DMXL2: variants seen among roughly 807,000 people sequenced by gnomAD.
DMXL2 encodes the protein dmX-like protein 2.
DMXL2 carries 103 observed loss-of-function variants against 331.1 expected under a neutral mutation model. That is an observed-to-expected ratio of 0.31 (90% CI 0.27 to 0.37). The LOEUF (loss-of-function observed/expected upper bound fraction) is 0.37. DMXL2 is among the 10% of genes least tolerant of loss of function. The pLI, the probability that DMXL2 is intolerant of heterozygous loss-of-function variation, is 1.00. For missense variants in DMXL2, 3,171 were observed against 3,642.9 expected, an observed-to-expected ratio of 0.87 and a Z score of 3.33; for synonymous variants, 1,281 against 1,252.1, an observed-to-expected ratio of 1.02 and a Z score of -0.49.
chr15:51,520,456 T>C (rs1226558530), intron 13 of DMXL2, among the ~76,000 whole-genome samples: 1 of 152,180 alleles, frequency 6.6e-6, no homozygotes. Flanking sequence ...AAATAACTGA[T>C]ATTTTGGTGT....
chr15:51,548,511 G>C (rs2049017268), intron 6 of DMXL2, among the ~76,000 whole-genome samples: 1 of 152,000 alleles, frequency 6.6e-6, no homozygotes, highest in African/African-American at 2.4e-5. Context: ...CTTCAGCATA[G>C]CATCATTTTC....
chr15:51,508,484 T>G (rs183583330), intron 15 of DMXL2, among the ~76,000 whole-genome samples: 2 of 152,336 alleles, frequency 1.3e-5, no homozygotes, highest in Admixed American at 6.5e-5. Context: ...CAAATGCTAC[T>G]TACTAGCCTA....
chr15:51,574,633 T>A (rs1437332309), intron 2 of DMXL2, among the ~76,000 whole-genome samples: 1 of 152,102 alleles, frequency 6.6e-6, no homozygotes, highest in Non-Finnish European at 1.5e-5. Flanking sequence ...AACAGACTAA[T>A]ACAAGGTCAC....
chr15:51,592,136 C>A (rs912218597), intron 1 of DMXL2, among the ~76,000 whole-genome samples: 2 of 146,000 alleles, frequency 1.4e-5, no homozygotes, highest in Non-Finnish European at 3.0e-5. Flanking sequence ...GGAGAACGTT[C>A]GAACCCATGG....
At chr15:51,494,913 G>A in intron 19 of DMXL2, 111 bp downstream of exon 19, 1 of 611,626 alleles carries the variant, frequency 1.6e-6, no homozygotes. Flanking sequence ...TAAGCCAAGT[G>A]ATAGGTGTGC....
At chr15:51,471,521 C>T in intron 28 of DMXL2, 120 bp from the exon 29 acceptor site, 2 of 914,054 alleles carry the variant, frequency 2.2e-6, no homozygotes, top group Non-Finnish European at 3.2e-6. Flanking sequence ...ATTACTTATT[C>T]CTGTGCTTCT....
intron 1 of DMXL2, among the ~76,000 whole-genome samples, chr15:51,611,612 A>T (rs2053974695): frequency 6.6e-6 from 1 of 152,140 alleles, no homozygotes; most frequent in African/African-American, 2.4e-5. Flanking sequence ...GAGAAATGGG[A>T]GCTTTGTGTT....
intron 19 of DMXL2, among the ~76,000 whole-genome samples, chr15:51,492,868 T>G (rs182030266): frequency 6.6e-6 from 1 of 152,338 alleles, no homozygotes; most frequent in Admixed American, 6.5e-5. Flanking sequence ...TTACACATAA[T>G]TTTTTCCATT....
In DMXL2 at chr15:51,563,382, T is replaced by C; in HGVS notation, c.566A>G (p.Lys189Arg). 1 of 1,602,534 alleles carries C rather than the reference T, an allele frequency of 6.2e-7. No homozygotes were observed. Among genetic ancestry groups the C allele is most frequent in the East Asian group, 2.2e-5 (1 of 44,522 alleles). The change falls in exon 6 of 44, where the codon AAG (lysine) becomes AGG (arginine). Residue 189 changes from lysine to arginine, a missense_variant and splice_region_variant. Around this residue, in one of 7 missense-constraint regions of DMXL2, gnomAD observed 1,674 missense variants for 1,780.2 expected, o/e 0.94. Transcript: ENST00000560891. Reference sequence around the variant, plus strand: ...GTATGTTTTTGTTTGATCCTTTACCTTTCCAGCAGTAGCAAAATATTCACC... The same window carrying C: ...GTATGTTTTTGTTTGATCCTTTACCCTTCCAGCAGTAGCAAAATATTCACC... ...PDGEYFATAG[K>R]DDCLLKVWYP...
intron 17 of DMXL2, among the ~76,000 whole-genome samples, chr15:51,500,648 C>G (rs1224526793): frequency 6.6e-6 from 1 of 152,192 alleles, no homozygotes; most frequent in African/African-American, 2.4e-5. Flanking sequence ...CTGAGCTTTA[C>G]AATTTGCCTT....
intron 42 of DMXL2, among the ~76,000 whole-genome samples, chr15:51,451,399 C>T (rs1252952417): frequency 1.3e-5 from 2 of 152,222 alleles, no homozygotes; most frequent in African/African-American, 2.4e-5. Context: ...ACTATCCATA[C>T]CATATTTTCT....
chr15:51,609,050 G>C (rs2053781851), intron 1 of DMXL2, among the ~76,000 whole-genome samples: 1 of 152,108 alleles, frequency 6.6e-6, no homozygotes, highest in African/African-American at 2.4e-5. Flanking sequence ...TTCTTGAATT[G>C]TCTACAAAGA....
chr15:51,477,525 T>G (rs2041681131), intron 26 of DMXL2, among the ~76,000 whole-genome samples: 1 of 152,024 alleles, frequency 6.6e-6, no homozygotes, highest in Non-Finnish European at 1.5e-5. Context: ...CAGGCCATTT[T>G]GATAGATAAT....
chr15:51,610,767 C>CAAAAA (rs34526933), intron 1 of DMXL2, among the ~76,000 whole-genome samples: 1 of 132,454 alleles, frequency 7.5e-6, no homozygotes. Flanking sequence ...GACTCCATCT[C>CAAAAA]AAAAAAAAAA....
chr15:51,622,668 T>C lies in DMXL2; in HGVS notation c.-123A>G. 6.9e-7 allele frequency: 1 copy of C among 1,441,796 alleles called. No individual in the cohort carries two copies. The highest frequency in any genetic ancestry group is 1.4e-5 in the South Asian group (1 of 69,582). 89.3% of individuals were successfully genotyped at this position (1,441,796 alleles called of 1,614,324 possible). A position where few individuals can be genotyped will look rare whatever the true frequency, so the allele number is the denominator to read the frequency against. On this transcript the variant is annotated 5_prime_UTR_variant, in exon 1 of 44. Coordinates refer to ENST00000560891, the MANE Select transcript of DMXL2 (RefSeq NM_001378457.1). ...TCGGAAACCCGCCCCGCGGAGGCTC[T>C]GGCTTAACTCCTCGCCCCCCTTTCG...
chr15:51,598,429 G>A (rs1273697620), intron 1 of DMXL2, among the ~76,000 whole-genome samples: 4 of 152,116 alleles, frequency 2.6e-5, no homozygotes, highest in East Asian at 3.9e-4. Context: ...TATCAAGATC[G>A]GGCAATGGAT....
rs144915856 is a variant in DMXL2, at chr15:51,485,802, C to T, written c.5482+271G>A. 5.3e-3 allele frequency among the ~76,000 whole-genome samples: 803 copies of T among 151,890 alleles called. 6 individuals carry two copies. The highest frequency in any genetic ancestry group is 5.9e-3 in the Non-Finnish European group (399 of 67,954). ...GTGACAAACCAATACGTGTAACAGCCAAAATTTCCATTTAAAAAAAATGGC... is the reference window on the plus strand; with the variant it reads ...GTGACAAACCAATACGTGTAACAGCTAAAATTTCCATTTAAAAAAAATGGC... On this transcript the variant is annotated intron_variant, in intron 23 of 43. Transcript: ENST00000560891.
At chr15:51,512,879 G>A (rs1296179352) in intron 15 of DMXL2, among the ~76,000 whole-genome samples, 2 of 151,844 alleles carry the variant, frequency 1.3e-5, no homozygotes, top group Non-Finnish European at 2.9e-5. Context: ...AAGCAAGTGT[G>A]ATAAAATCTT....
chr15:51,462,105 T>C (rs952131458), intron 33 of DMXL2, among the ~76,000 whole-genome samples: 6 of 152,272 alleles, frequency 3.9e-5, no homozygotes, highest in African/African-American at 1.2e-4. Context: ...TTTAAATCCA[T>C]AGAGAAAACA....
Sources: gnomAD v4.1 joint callset for allele counts (sites outside exome capture counted in the v4.1 genomes callset) on GRCh38, gnomAD v4.1.1 for gene constraint, gnomAD v4.1.1 regional missense constraint, MANE v1.5 for transcripts, NCBI Gene and HGNC (gene_info 2026-07-23, HGNC 2026-07-21) for gene names.